TAF1A: variants seen among roughly 807,000 people sequenced by gnomAD.
TAF1A encodes TATA-box binding protein associated factor, RNA polymerase I subunit A, also known as TATA box-binding protein-associated factor RNA polymerase I subunit A.
Under a neutral mutation model 61.6 loss-of-function variants are expected in TAF1A, and 42 were observed. The observed-to-expected ratio is 0.68, with a 90% CI of 0.53 to 0.88. The LOEUF (loss-of-function observed/expected upper bound fraction) is 0.88. Ranked by LOEUF, TAF1A falls within the 40% of genes least tolerant of loss-of-function variation. The pLI, the probability that TAF1A is intolerant of heterozygous loss-of-function variation, is 0.00. For synonymous variants in TAF1A, 179 were observed against 177.7 expected (o/e 1.01, Z -0.06); for missense variants, 424 against 518.7 (o/e 0.82, Z 1.77).
At chr1:222,579,560 G>A (rs1318187336) in intron 4 of TAF1A, among the ~76,000 whole-genome samples, 199 bp downstream of exon 4, 1 of 152,160 alleles carries the variant, frequency 6.6e-6, no homozygotes, top group Non-Finnish European at 1.5e-5. Context: ...GGAATTTTTA[G>A]TCAGAGAACA....
downstream of TAF1A, among the ~76,000 whole-genome samples, chr1:222,556,905 T>A (rs1324473707): frequency 6.6e-6 from 1 of 152,234 alleles, no homozygotes; most frequent in Non-Finnish European, 1.5e-5. Context: ...ATTGGTCTTA[T>A]ACAGAACTCC....
intron 3 of TAF1A, among the ~76,000 whole-genome samples, chr1:222,580,251 T>A (rs1007378358): frequency 1.3e-5 from 2 of 152,164 alleles, no homozygotes; most frequent in Non-Finnish European, 2.9e-5. Context: ...CAGCCTCTTC[T>A]TCATCATCTG....
chr1:222,571,290 A>G (rs1482088023), intron 5 of TAF1A, among the ~76,000 whole-genome samples: 2 of 152,162 alleles, frequency 1.3e-5, no homozygotes, highest in African/African-American at 2.4e-5. Context: ...CTGAATGATA[A>G]AAGACTGCAT....
At chr1:222,571,280 C>A (rs1660339791) in intron 5 of TAF1A, among the ~76,000 whole-genome samples, 2 of 152,230 alleles carry the variant, frequency 1.3e-5, no homozygotes, top group Admixed American at 1.3e-4. Flanking sequence ...TAACATTGAA[C>A]TGAATGATAA....
chr1:222,555,666 TTACA>T (rs1028993552), downstream of TAF1A, among the ~76,000 whole-genome samples: 15 of 152,172 alleles, frequency 9.9e-5, no homozygotes, highest in Non-Finnish European at 2.2e-4. Flanking sequence ...CAGTACTGTA[TTACA>T]TACTTGTAAT....
chr1:222,569,800 T>A lies in TAF1A; in HGVS notation c.736-132A>T. 1.1e-5 allele frequency: 9 copies of A among 789,804 alleles called. 1 individual carries two copies. In the South Asian group the frequency reaches 1.8e-4, roughly 16 times the overall value. 48.9% of individuals were successfully genotyped at this position (789,804 alleles called of 1,614,324 possible). On this transcript the variant is annotated intron_variant, in intron 6 of 10. Coordinates refer to ENST00000352967, the MANE Select transcript of TAF1A (RefSeq NM_005681.4). Reference sequence around the variant, plus strand: ...ACTGACAGGGTTCCCATTTTTTCCCTGTATTTTGTTACTACTAATAAACAA... The same window carrying A: ...ACTGACAGGGTTCCCATTTTTTCCCAGTATTTTGTTACTACTAATAAACAA...
chr1:222,577,764 T>C (rs533402652), intron 4 of TAF1A, 121 bp from the exon 5 acceptor site: 3 of 848,116 alleles, frequency 3.5e-6, no homozygotes, highest in South Asian at 3.4e-5. Flanking sequence ...TAACTTGACA[T>C]GGAAAATTTT....
intron 5 of TAF1A, among the ~76,000 whole-genome samples, chr1:222,574,337 A>T (rs537421413): frequency 6.6e-6 from 1 of 152,316 alleles, no homozygotes; most frequent in East Asian, 1.9e-4. Flanking sequence ...CTGATATGAA[A>T]ACTCTGACAA....
intron 9 of TAF1A, 128 bp downstream of exon 9, chr1:222,563,045 A>G (rs1659976436): frequency 4.3e-6 from 4 of 921,634 alleles, no homozygotes; most frequent in African/African-American, 3.4e-5. Flanking sequence ...ATGTACTCAG[A>G]AAACAGCTGA....
chr1:222,574,074 G>C (rs1289006482), intron 5 of TAF1A, among the ~76,000 whole-genome samples: 1 of 152,060 alleles, frequency 6.6e-6, no homozygotes, highest in Admixed American at 6.6e-5. Context: ...CAAATCTCTA[G>C]AGGCAGAAAG....
intron 7 of TAF1A, among the ~76,000 whole-genome samples, chr1:222,568,054 A>G (rs1206680027): frequency 6.6e-6 from 1 of 152,076 alleles, no homozygotes. Flanking sequence ...GAGAAAGGAG[A>G]GTCTTCAATA....
Position 222,579,843 on chromosome 1 carries a change from T to C in TAF1A, c.321A>G (p.Leu107=), listed in dbSNP as rs1319938353. 5 of 1,606,844 alleles carry C rather than the reference T, an allele frequency of 3.1e-6. No homozygotes were observed. The highest frequency in any genetic ancestry group is 3.4e-6 in the Non-Finnish European group (4 of 1,178,316). Reference sequence around the variant, plus strand: ...CCATGTTGCTTTTGGGATGATAAAATAGAATTTCACTTCCGAGCTTCCAAA... The same window carrying C: ...CCATGTTGCTTTTGGGATGATAAAACAGAATTTCACTTCCGAGCTTCCAAA... ...EIIWKLGSEI[L]FYHPKSNMES... Residue 107 remains leucine, a synonymous_variant, in exon 4 of 11, where the codon CTA becomes CTG. Transcript: ENST00000352967.
chr1:222,578,365 T>C (rs1165915281), intron 4 of TAF1A, among the ~76,000 whole-genome samples: 3 of 152,196 alleles, frequency 2.0e-5, no homozygotes, highest in Non-Finnish European at 4.4e-5. Context: ...TTCAAGTGGC[T>C]ACCAAAGAAA....
At chr1:222,571,090 GATCT>G (rs1360517485) in intron 5 of TAF1A, among the ~76,000 whole-genome samples, 1 of 152,038 alleles carries the variant, frequency 6.6e-6, no homozygotes, top group African/African-American at 2.4e-5. Flanking sequence ...ATAAAATAGA[GATCT>G]ATTGATCTAA....
chr1:222,583,201 A>G (rs976092961), intron 3 of TAF1A, among the ~76,000 whole-genome samples: 3 of 152,168 alleles, frequency 2.0e-5, no homozygotes, highest in Non-Finnish European at 4.4e-5. Context: ...AAACAAAAAA[A>G]GAAAAAGAAA....
intron 4 of TAF1A, 58 bp from the exon 5 acceptor site, chr1:222,577,701 A>C: frequency 6.9e-7 from 1 of 1,454,796 alleles, no homozygotes; most frequent in Admixed American, 1.7e-5. Context: ...ATTAGTCAAA[A>C]AGCTCAGTAA....
chr1:222,556,535 A>G (rs183294774), downstream of TAF1A, among the ~76,000 whole-genome samples: 227 of 152,352 alleles, frequency 1.5e-3, no homozygotes, highest in Non-Finnish European at 2.6e-3. Context: ...TTGGTAAAAT[A>G]GGAATAATTC....
Position 222,563,267 on chromosome 1 carries a change from C to T in TAF1A, c.991G>A (p.Glu331Lys). The T allele has an allele frequency of 6.2e-7, 1 of 1,613,150 alleles. No homozygotes were observed. Among genetic ancestry groups the T allele is most frequent in the Non-Finnish European group, 8.5e-7 (1 of 1,179,606 alleles). ...EKEEHRKLGL[E>K]VLFGVLDFAG... ...AAATCTAAGACTCCAAATAATACCT[C>T]CAACCCCAGTTTACGGTGTTCTTCT... is the stretch of plus-strand genomic sequence containing the variant. Residue 331 changes from glutamate (E) to lysine (K), a missense_variant, in exon 9 of 11, where the codon GAG becomes AAG. Physicochemically the swap from Glu to Lys is moderately conservative, Grantham distance 56 (BLOSUM62 1). Transcript: ENST00000352967.
At position 222,577,660 on chromosome 1, in the gene TAF1A, G is replaced by C; in HGVS notation, c.406-17C>G. ...TAAGGAGATCTGCAAAAATAATAAGGGTACACCGCCATTTAAGCCATTAGA... is the reference window on the plus strand; with the variant it reads ...TAAGGAGATCTGCAAAAATAATAAGCGTACACCGCCATTTAAGCCATTAGA... On this transcript the variant is annotated splice_polypyrimidine_tract_variant and intron_variant, in intron 4 of 10. Transcript: ENST00000352967. The C allele has an allele frequency of 6.2e-7, 1 of 1,608,288 alleles. No homozygotes were observed. The highest frequency in any genetic ancestry group is 8.5e-7 in the Non-Finnish European group (1 of 1,175,452).
Sources: gnomAD v4.1 joint callset for allele counts (sites outside exome capture counted in the v4.1 genomes callset) on GRCh38, gnomAD v4.1.1 for gene constraint, MANE v1.5 for transcripts, NCBI Gene and HGNC (gene_info 2026-07-23, HGNC 2026-07-21) for gene names.